The following ADAM9 variants were observed in gnomAD, a reference collection of about 807,000 sequenced individuals.
The protein encoded by ADAM9 is disintegrin and metalloproteinase domain-containing protein 9.
Under a neutral mutation model 108.1 loss-of-function variants are expected in ADAM9, and 54 were observed. That is an observed-to-expected ratio of 0.50 (90% CI 0.40 to 0.63). The LOEUF (loss-of-function observed/expected upper bound fraction) is 0.63. ADAM9 is among the 20% of genes least tolerant of loss of function. ADAM9 has a pLI of 0.00. For missense variants in ADAM9, 830 were observed against 997.7 expected, an observed-to-expected ratio of 0.83 and a Z score of 2.26; for synonymous variants, 316 against 336.0, an observed-to-expected ratio of 0.94 and a Z score of 0.65.
At chr8:39,087,066 T>C (rs1839201342) in intron 18 of ADAM9, among the ~76,000 whole-genome samples, 1 of 152,214 alleles carries the variant, frequency 6.6e-6, no homozygotes, top group African/African-American at 2.4e-5. Context: ...GCTTTTTCTC[T>C]GTAGCTCTCT....
At chr8:39,040,452 C>T (rs1364312463) in intron 11 of ADAM9, among the ~76,000 whole-genome samples, 1 of 152,178 alleles carries the variant, frequency 6.6e-6, no homozygotes, top group African/African-American at 2.4e-5. Context: ...AGCATCTTTT[C>T]ATGCACCTGT....
At chr8:39,035,148 T>A (rs1278219363) in intron 11 of ADAM9, among the ~76,000 whole-genome samples, 1 of 152,222 alleles carries the variant, frequency 6.6e-6, no homozygotes, top group Non-Finnish European at 1.5e-5. Context: ...TTTTGTGTTT[T>A]TTTCTTCTGT....
chr8:39,041,894 T>G, intron 11 of ADAM9, 52 bp from the exon 12 acceptor site: 2 of 1,554,718 alleles, frequency 1.3e-6, no homozygotes, highest in Non-Finnish European at 1.8e-6. Flanking sequence ...CTTAACATTT[T>G]CAAAGTGAGT....
chr8:39,054,822 A>G (rs1424268494), intron 13 of ADAM9, among the ~76,000 whole-genome samples: 1 of 152,134 alleles, frequency 6.6e-6, no homozygotes, highest in Admixed American at 6.6e-5. Flanking sequence ...CCTGTTAGAA[A>G]TAATTAAATA....
intron 16 of ADAM9, among the ~76,000 whole-genome samples, chr8:39,079,179 C>T (rs1325892535): frequency 6.6e-6 from 1 of 152,222 alleles, no homozygotes; most frequent in Non-Finnish European, 1.5e-5. Flanking sequence ...AGTTTAACTG[C>T]ATGGTTGAAA....
chr8:39,031,525 G>C (rs1043641119), intron 11 of ADAM9, among the ~76,000 whole-genome samples: 1 of 152,118 alleles, frequency 6.6e-6, no homozygotes, highest in Non-Finnish European at 1.5e-5. Context: ...TTTCTACCCT[G>C]TTTATTCTAG....
At chr8:39,023,354 A>G (rs367901347) in intron 9 of ADAM9, 29 bp downstream of exon 9, 20 of 1,578,926 alleles carry the variant, frequency 1.3e-5, no homozygotes, top group Non-Finnish European at 1.6e-5. Context: ...AGTACTATTA[A>G]TGAAATAATC....
chr8:39,089,465 T>C (rs1312893561), intron 18 of ADAM9, among the ~76,000 whole-genome samples: 2 of 152,212 alleles, frequency 1.3e-5, no homozygotes, highest in African/African-American at 2.4e-5. Context: ...AAAGAAATGA[T>C]GAATGCACTT....
intron 15 of ADAM9, chr8:39,075,858 G>T (rs1424866582): frequency 6.6e-6 from 1 of 151,988 alleles, no homozygotes; most frequent in Admixed American, 6.6e-5. Flanking sequence ...ATTTTTTTCA[G>T]CTGAAGAAAC....
At chr8:39,013,372 T>A (rs1286092507) in intron 3 of ADAM9, among the ~76,000 whole-genome samples, 1 of 70,524 alleles carries the variant, frequency 1.4e-5, no homozygotes, top group Non-Finnish European at 2.7e-5. Context: ...ACATTATTTA[T>A]GTTGTCTTAA....
At chr8:39,004,545 C>T (rs1588320229) in intron 1 of ADAM9, among the ~76,000 whole-genome samples, 1 of 152,160 alleles carries the variant, frequency 6.6e-6, no homozygotes, top group East Asian at 1.9e-4. Flanking sequence ...TAATGATTTA[C>T]TTAAAGAGAA....
rs114353419 is a variant in ADAM9 at position 39,006,512 on chromosome 8, G to C, written c.98-1374G>C. On this transcript the variant is annotated intron_variant, in intron 1 of 21. Transcript: ENST00000487273. ...AATGAACATATAGATTGGATCAAAG[G>C]AGGAGAGTATGAGAGTAGGGAGACC... is the stretch of plus-strand genomic sequence containing the variant. 8.2e-3 allele frequency among the ~76,000 whole-genome samples: 1,226 copies of C among 149,230 alleles called. 25 individuals are homozygous for C. The highest frequency in any genetic ancestry group is 0.029 in the African/African-American group (1,175 of 40,868).
intron 15 of ADAM9, among the ~76,000 whole-genome samples, chr8:39,072,503 T>A (rs1838727171): frequency 6.6e-6 from 1 of 152,202 alleles, no homozygotes; most frequent in Admixed American, 6.5e-5. Flanking sequence ...TTTTTTTTGG[T>A]GATTGTGTAG....
intron 1 of ADAM9, among the ~76,000 whole-genome samples, chr8:39,004,520 A>T (rs1836099220): frequency 1.3e-5 from 2 of 152,318 alleles, no homozygotes; most frequent in South Asian, 4.1e-4. Flanking sequence ...TGGCCAGCAT[A>T]TGTAATCTTG....
At chr8:39,013,454 G>C (rs535323707) in intron 3 of ADAM9, among the ~76,000 whole-genome samples, 2 of 149,770 alleles carry the variant, frequency 1.3e-5, no homozygotes, top group African/African-American at 4.9e-5. Flanking sequence ...TTATGAATAA[G>C]TAATGTACAC....
Position 39,082,683 on chromosome 8 carries a change from T to G in ADAM9, c.1924T>G (p.Tyr642Asp). The G allele has an allele frequency of 1.2e-6, 2 of 1,612,930 alleles. No homozygotes were observed. Among genetic ancestry groups the G allele is most frequent in the Non-Finnish European group, 1.7e-6 (2 of 1,179,546 alleles). The change falls in exon 17 of 22, where the codon TAT becomes GAT. Residue 642 changes from tyrosine to aspartate, a missense_variant. Around this residue, in one of 3 missense-constraint regions of ADAM9, gnomAD observed 238 missense variants for 235.7 expected, o/e 1.01. Transcript: ENST00000487273. ...GTGTGTAGATGCTTCTGTTCTGAAT[T>G]ATGACTGTGATGTTCAGAAAAAGTG... is the stretch of plus-strand genomic sequence containing the variant. ...FQCVDASVLN[Y>D]DCDVQKKCHG... is the part of the protein sequence containing the mutation.
chr8:39,099,373 C>T (rs1839612105), intron 20 of ADAM9, among the ~76,000 whole-genome samples: 2 of 152,140 alleles, frequency 1.3e-5, no homozygotes, highest in Non-Finnish European at 2.9e-5. Flanking sequence ...TTCCCACCAA[C>T]CCAGCCAAGT....
At position 38,996,983 on chromosome 8, in the gene ADAM9, C is replaced by T; in HGVS notation, c.-81C>T. On this transcript the variant is annotated 5_prime_UTR_variant, in exon 1 of 22. Coordinates refer to ENST00000487273, the MANE Select transcript of ADAM9 (RefSeq NM_003816.3). ...GCGCGCTTCCCGGCCAGACTTGGGG[C>T]CCCGGCAGGGTTGGAAAATGATGGA... The T allele has an allele frequency of 2.0e-6, 3 of 1,536,588 alleles. No homozygotes were observed. The highest frequency in any genetic ancestry group is 2.4e-5 in the East Asian group (1 of 41,606).
intron 11 of ADAM9, among the ~76,000 whole-genome samples, chr8:39,039,660 T>C (rs561897865): frequency 1.3e-5 from 2 of 152,344 alleles, no homozygotes; most frequent in East Asian, 3.9e-4. Flanking sequence ...TCTTTTTCTG[T>C]CTGGCTTGCT....
Sources: gnomAD v4.1 joint callset for allele counts (sites outside exome capture counted in the v4.1 genomes callset) on GRCh38, gnomAD v4.1.1 for gene constraint, gnomAD v4.1.1 regional missense constraint, MANE v1.5 for transcripts, NCBI Gene and HGNC (gene_info 2026-07-23, HGNC 2026-07-21) for gene names.